The following ATAD1 variants were observed in gnomAD, a reference collection of about 807,000 sequenced individuals.
ATAD1 encodes outer mitochondrial transmembrane helix translocase.
ATAD1 carries 18 observed loss-of-function variants against 42.7 expected under a neutral mutation model. That is an observed-to-expected ratio of 0.42 (90% CI 0.29 to 0.63). The LOEUF is 0.63. Ranked by LOEUF, ATAD1 falls within the 20% of genes least tolerant of loss-of-function variation. The probability of loss-of-function intolerance (pLI) is 0.19; values close to 1 mark genes in which losing one functional copy is unlikely to be tolerated. For synonymous variants in ATAD1, 132 were observed against 143.1 expected (o/e 0.92, Z 0.55); for missense variants, 294 against 440.4 (o/e 0.67, Z 2.98).
chr10:87,836,655 T>A (rs2085096231), intron 1 of ATAD1, among the ~76,000 whole-genome samples: 1 of 152,216 alleles, frequency 6.6e-6, no homozygotes, highest in African/African-American at 2.4e-5. Context: ...TGTTTGGGCA[T>A]GAGTTTCTTT....
At chr10:87,763,202 T>C (rs529220389) in intron 8 of ATAD1, among the ~76,000 whole-genome samples, 2 of 152,158 alleles carry the variant, frequency 1.3e-5, no homozygotes, top group South Asian at 4.1e-4. Context: ...TGTACATATT[T>C]CATGTACATA....
chr10:87,758,152 A>G (rs1274275389), intron 8 of ATAD1, among the ~76,000 whole-genome samples: 1 of 152,238 alleles, frequency 6.6e-6, no homozygotes, highest in Non-Finnish European at 1.5e-5. Context: ...CAATAAGGAC[A>G]TGTAAGACAG....
chr10:87,791,342 G>A (rs1013675957), intron 3 of ATAD1, among the ~76,000 whole-genome samples: 8 of 152,042 alleles, frequency 5.3e-5, no homozygotes, highest in Non-Finnish European at 1.0e-4. Context: ...CACTTGTCCT[G>A]AAAGGAGCTG....
At chr10:87,828,550 G>T (rs1857769895) in intron 1 of ATAD1, among the ~76,000 whole-genome samples, 1 of 152,216 alleles carries the variant, frequency 6.6e-6, no homozygotes, top group African/African-American at 2.4e-5. Context: ...GCAAGGTGAA[G>T]CAGCAAGTGC....
At chr10:87,778,652 T>C (rs1015405076) in intron 5 of ATAD1, among the ~76,000 whole-genome samples, 1 of 152,232 alleles carries the variant, frequency 6.6e-6, no homozygotes, top group Non-Finnish European at 1.5e-5. Flanking sequence ...ACTTGTGGCA[T>C]CATGTTGTTG....
chr10:87,773,902 G>A (rs1226598708), intron 6 of ATAD1, among the ~76,000 whole-genome samples: 1 of 152,040 alleles, frequency 6.6e-6, no homozygotes, highest in Admixed American at 6.5e-5. Context: ...TTAGTTTTTG[G>A]CAACCTGTAC....
intron 5 of ATAD1, among the ~76,000 whole-genome samples, chr10:87,778,655 T>C (rs962513886): frequency 3.9e-5 from 6 of 152,206 alleles, no homozygotes; most frequent in Non-Finnish European, 7.3e-5. Flanking sequence ...TGTGGCATCA[T>C]GTTGTTGCTC....
intron 6 of ATAD1, among the ~76,000 whole-genome samples, chr10:87,772,272 C>T (rs1377192920): frequency 6.6e-6 from 1 of 151,590 alleles, no homozygotes; most frequent in African/African-American, 2.4e-5. Context: ...GCCACTGTGC[C>T]TAGCTGATTT....
chr10:87,767,461 G>T (rs961710270), intron 8 of ATAD1, among the ~76,000 whole-genome samples: 1 of 152,174 alleles, frequency 6.6e-6, no homozygotes, highest in African/African-American at 2.4e-5. Context: ...TGCCGCTGCT[G>T]ATGTGACAGG....
rs558470374 is a variant in ATAD1, at chr10:87,765,484, G to A, written c.831+2189C>T. On this transcript the variant is annotated intron_variant, in intron 8 of 9. Transcript: ENST00000680024. ...TATATTCAAAATCCAGAAGCCATAG[G>A]GGGGGTGGGTGGGGGGGAAGAAAAC... 1.1e-4 allele frequency among the ~76,000 whole-genome samples: 12 copies of A among 108,662 alleles called. No homozygotes were observed. The East Asian group carries it at 2.9e-3, about 26-fold the overall frequency. 71.3% of individuals were successfully genotyped at this position (108,662 alleles called of 152,430 possible).
In ATAD1 at chr10:87,771,179, A is replaced by G. The variant is rs1468114825; in HGVS notation, c.691-138T>C. ...GTAAGAAATCTGATTTTAAATCACT[A>G]TTATTCAACTATTTACAGGTATAAA... On this transcript the variant is annotated intron_variant, in intron 6 of 9. Coordinates refer to ENST00000680024, the MANE Select transcript of ATAD1 (RefSeq NM_001321967.2). The G allele has an allele frequency of 6.8e-6, 4 of 588,114 alleles. No individual in the cohort carries two copies. The East Asian group carries it at 1.2e-4, about 17-fold the overall frequency. The allele number at this position is 588,114 out of a possible 1,614,324, so 36.4% of individuals were successfully genotyped here.
intron 2 of ATAD1, among the ~76,000 whole-genome samples, chr10:87,797,868 C>T (rs1856473214): frequency 2.6e-5 from 4 of 152,138 alleles, no homozygotes; most frequent in Admixed American, 1.3e-4. Context: ...TTTCTGCGCA[C>T]ATTTGTGTGA....
chr10:87,838,626 T>C lies in ATAD1; in HGVS notation c.-14+2561A>G, dbSNP rs145279016. On this transcript the variant is annotated intron_variant, in intron 1 of 4. Transcript: ENST00000495903. ...CTCTAACCCTGAAAGTAATGGTATT[T>C]AGCAATGAGGCCTTTGAGAGGTAAT... 3.0e-3 allele frequency among the ~76,000 whole-genome samples: 450 copies of C among 152,278 alleles called. 4 individuals are homozygous for C. Among genetic ancestry groups the C allele is most frequent in the African/African-American group, 0.01 (433 of 41,542 alleles).
At chr10:87,783,293 C>G (rs1319276753) in intron 5 of ATAD1, among the ~76,000 whole-genome samples, 1 of 151,648 alleles carries the variant, frequency 6.6e-6, no homozygotes, top group East Asian at 1.9e-4. Flanking sequence ...TTCACTTGAG[C>G]CTGGGGAGGT....
At chr10:87,776,526 T>G in intron 5 of ATAD1, 99 bp from the exon 6 acceptor site, 3 of 911,042 alleles carry the variant, frequency 3.3e-6, no homozygotes. Flanking sequence ...TGGGGTGCAA[T>G]GGCGCAATTA....
chr10:87,786,026 T>C (rs534794109), intron 4 of ATAD1, among the ~76,000 whole-genome samples: 2 of 152,310 alleles, frequency 1.3e-5, no homozygotes, highest in South Asian at 4.1e-4. Context: ...GCTTAAAATT[T>C]GGTTAAGTCA....
chr10:87,775,812 T>C (rs79376163), intron 6 of ATAD1, among the ~76,000 whole-genome samples: 1,717 of 152,174 alleles, frequency 0.011, 34 homozygotes, highest in African/African-American at 0.039. Context: ...TCGTATAAAA[T>C]TGGGATCCTA....
intron 2 of ATAD1, among the ~76,000 whole-genome samples, chr10:87,811,199 T>C (rs961887471): frequency 3.9e-5 from 6 of 151,980 alleles, no homozygotes; most frequent in Non-Finnish European, 1.5e-5. Flanking sequence ...CACGTGTGGT[T>C]GCACACTTCT....
At chr10:87,776,250 A>G in intron 6 of ATAD1, 71 bp downstream of exon 6, 2 of 1,155,650 alleles carry the variant, frequency 1.7e-6, no homozygotes. Context: ...AAGCATAGTA[A>G]GTAGCCCAGC....
Sources: gnomAD v4.1 joint callset for allele counts (sites outside exome capture counted in the v4.1 genomes callset) on GRCh38, gnomAD v4.1.1 for gene constraint, MANE v1.5 for transcripts, NCBI Gene and HGNC (gene_info 2026-07-23, HGNC 2026-07-21) for gene names.